Variants in LDLRAD4 observed in about 807,000 individuals in gnomAD.
LDLRAD4 encodes low-density lipoprotein receptor class A domain-containing protein 4.
In LDLRAD4, 5 loss-of-function variants were observed where a neutral mutation model predicts 17.0. The ratio of observed to expected loss-of-function variants is 0.29; its 90% CI spans 0.15 to 0.62. The LOEUF is 0.62. Among genes scored for constraint, LDLRAD4 ranks in the 20% least tolerant of loss-of-function variants. The pLI, the probability that LDLRAD4 is intolerant of heterozygous loss-of-function variation, is 0.84. For missense variants in LDLRAD4, 340 were observed against 424.7 expected (o/e 0.80, Z 1.75); for synonymous variants, 168 against 171.8 (o/e 0.98, Z 0.17).
rs186694151 is a variant in LDLRAD4 at position 13,306,832 on chromosome 18, G to T, written c.-383+28644G>T. Among the ~76,000 whole-genome samples the T allele has an allele frequency of 1.8e-4, 28 of 152,280 alleles. No individual in the cohort carries two copies. In the East Asian group the frequency reaches 4.2e-3, roughly 23 times the overall value. On this transcript the variant is annotated intron_variant, in intron 1 of 5. Coordinates refer to ENST00000359446, the Ensembl canonical transcript of LDLRAD4. ...TATGGCAAAAAAAATAAAAAGGTGC[G>T]CCAGGGGAGAGGGGGAAGGAAGGAT...
At chr18:13,387,837 A>G (rs2085945056) in intron 2 of LDLRAD4, 75 bp downstream of exon 3, 3 of 1,336,050 alleles carry the variant, frequency 2.2e-6, no homozygotes, top group Admixed American at 3.4e-5. Flanking sequence ...CACTGCATGC[A>G]GTGAACCTAC....
intron 1 of LDLRAD4, among the ~76,000 whole-genome samples, chr18:13,349,755 C>G (rs181446941): frequency 3.3e-5 from 5 of 152,232 alleles, no homozygotes; most frequent in Admixed American, 2.6e-4. Context: ...CATGCATTAG[C>G]TATTTGTTCT....
At chr18:13,590,042 TGA>T (rs769377437) in intron 3 of LDLRAD4, among the ~76,000 whole-genome samples, 6 of 149,338 alleles carry the variant, frequency 4.0e-5, no homozygotes, top group African/African-American at 7.4e-5. Context: ...TGCATGTGTG[TGA>T]GTGTGCATGT....
chr18:13,291,660 C>G (rs1196388089), intron 1 of LDLRAD4, among the ~76,000 whole-genome samples: 1 of 152,112 alleles, frequency 6.6e-6, no homozygotes, highest in African/African-American at 2.4e-5. Context: ...TCTGAAGACT[C>G]TCAGGAACAA....
At chr18:13,461,713 G>A (rs1392991962) in intron 3 of LDLRAD4, among the ~76,000 whole-genome samples, 1 of 152,088 alleles carries the variant, frequency 6.6e-6, no homozygotes, top group East Asian at 1.9e-4. Flanking sequence ...TTGCAGGAAG[G>A]GGCCAATCAG....
chr18:13,555,751 A>C (rs912726636), intron 3 of LDLRAD4, among the ~76,000 whole-genome samples: 1 of 152,242 alleles, frequency 6.6e-6, no homozygotes, highest in Non-Finnish European at 1.5e-5. Context: ...TCAAAGACAC[A>C]GAACTGCAGA....
chr18:13,371,061 T>G (rs1266873981), intron 1 of LDLRAD4, among the ~76,000 whole-genome samples: 1 of 152,162 alleles, frequency 6.6e-6, no homozygotes, highest in Non-Finnish European at 1.5e-5. Context: ...ATTGCCAGAA[T>G]TTTCAGACTA....
At chr18:13,652,086 A>G (rs2043269655) in exon 6 of LDLRAD4, 1 of 152,210 alleles carries the variant, frequency 6.6e-6, no homozygotes, top group Non-Finnish European at 1.5e-5. Flanking sequence ...TTCATCATTA[A>G]GAACTGAGGC....
At chr18:13,545,786 G>C (rs947826327) in intron 3 of LDLRAD4, among the ~76,000 whole-genome samples, 1 of 152,310 alleles carries the variant, frequency 6.6e-6, no homozygotes, top group Middle Eastern at 3.4e-3. Flanking sequence ...TCACAGTGGG[G>C]TGGAGCCTTC....
At chr18:13,554,528 G>A (rs1375936572) in intron 3 of LDLRAD4, among the ~76,000 whole-genome samples, 2 of 151,756 alleles carry the variant, frequency 1.3e-5, no homozygotes, top group East Asian at 1.9e-4. Flanking sequence ...ATGTGTAGAC[G>A]GCATCAGCAT....
chr18:13,392,430 T>C (rs755978671), intron 2 of LDLRAD4, among the ~76,000 whole-genome samples: 4 of 152,240 alleles, frequency 2.6e-5, no homozygotes, highest in Non-Finnish European at 5.9e-5. Flanking sequence ...AGCAATGATA[T>C]AGGTGAATGG....
chr18:13,382,239 T>C (rs923475213), intron 1 of LDLRAD4, among the ~76,000 whole-genome samples: 2 of 152,254 alleles, frequency 1.3e-5, no homozygotes, highest in African/African-American at 4.8e-5. Context: ...CGTGCCCCTG[T>C]GTGACCCTCA....
At chr18:13,343,239 C>G (rs1021930110) in intron 1 of LDLRAD4, among the ~76,000 whole-genome samples, 2 of 110,962 alleles carry the variant, frequency 1.8e-5, no homozygotes, top group Non-Finnish European at 3.5e-5. Flanking sequence ...CCCCTCCCCC[C>G]ACCCCACAAC....
At chr18:13,548,988 C>T (rs1568327358) in intron 3 of LDLRAD4, among the ~76,000 whole-genome samples, 1 of 152,216 alleles carries the variant, frequency 6.6e-6, no homozygotes, top group Non-Finnish European at 1.5e-5. Context: ...CCTAAAGCAA[C>T]TTCTTGAATA....
chr18:13,554,390 A>C (rs149911139), intron 3 of LDLRAD4, among the ~76,000 whole-genome samples: 1,524 of 152,320 alleles, frequency 0.01, 26 homozygotes, highest in Middle Eastern at 0.037. Context: ...GAAACAAACT[A>C]GTTGTATATT....
At chr18:13,528,841 G>A (rs2094079561) in intron 3 of LDLRAD4, among the ~76,000 whole-genome samples, 1 of 152,204 alleles carries the variant, frequency 6.6e-6, no homozygotes, top group Non-Finnish European at 1.5e-5. Flanking sequence ...CTCCCAGGGG[G>A]TTCCAGGAAG....
At chr18:13,366,863 A>G (rs12456874) in intron 1 of LDLRAD4, among the ~76,000 whole-genome samples, 29,884 of 152,176 alleles carry the variant, frequency 0.2, 3,584 homozygotes, top group South Asian at 0.27. Flanking sequence ...TTAAAGAACA[A>G]AGACACATTG....
chr18:13,580,863 G>T (rs1246867672), intron 3 of LDLRAD4, among the ~76,000 whole-genome samples: 4 of 152,202 alleles, frequency 2.6e-5, no homozygotes, highest in Non-Finnish European at 4.4e-5. Flanking sequence ...TTAACTATTA[G>T]AAGCTTGCCC....
intron 3 of LDLRAD4, among the ~76,000 whole-genome samples, chr18:13,582,612 T>C (rs956389360): frequency 6.6e-6 from 1 of 152,274 alleles, no homozygotes; most frequent in African/African-American, 2.4e-5. Context: ...AGATGCAGCA[T>C]GGCAGGAGGC....
Sources: allele counts gnomAD v4.1 joint callset (sites outside exome capture counted in the v4.1 genomes callset), GRCh38; gene constraint gnomAD v4.1.1; transcripts MANE v1.5; gene names NCBI Gene and HGNC (gene_info 2026-07-23, HGNC 2026-07-21).